The following GTF2F2 variants were observed in gnomAD, a reference collection of about 807,000 sequenced individuals.
GTF2F2 encodes the protein general transcription factor IIF subunit 2.
A neutral mutation model predicts 42.2 loss-of-function variants in GTF2F2; 23 were observed. That is an observed-to-expected ratio of 0.55 (90% CI 0.39 to 0.77). The LOEUF is 0.77. Ranked by LOEUF, GTF2F2 falls within the 30% of genes least tolerant of loss-of-function variation. The pLI, the probability that GTF2F2 is intolerant of heterozygous loss-of-function variation, is 0.00. For missense variants in GTF2F2, 261 were observed against 287.2 expected (o/e 0.91, Z 0.66); for synonymous variants, 105 against 100.8 (o/e 1.04, Z -0.25).
At chr13:45,195,491 T>C (rs944256592) in intron 4 of GTF2F2, among the ~76,000 whole-genome samples, 6 of 152,166 alleles carry the variant, frequency 3.9e-5, no homozygotes, top group Admixed American at 2.6e-4. Context: ...AGATTCAGAA[T>C]ACCTACTACA....
chr13:45,213,614 A>G lies in GTF2F2; in HGVS notation c.386+6109A>G, dbSNP rs146038960. ...TATAAACTTCATGAGAGCAGAGACT[A>G]TGAGTTTTATTTTTCTTTCTTCTTT... On this transcript the variant is annotated intron_variant, in intron 5 of 7. Transcript: ENST00000340473. 5.1e-4 allele frequency among the ~76,000 whole-genome samples: 77 copies of G among 152,182 alleles called. No individual in the cohort carries two copies. The East Asian group carries it at 0.012, about 24-fold the overall frequency.
In GTF2F2 at chr13:45,194,474, A is replaced by G. The variant is rs369513732; in HGVS notation, c.305-12950A>G. On this transcript the variant is annotated intron_variant, in intron 4 of 7. Transcript: ENST00000340473. ...CCAACGTTGAGGGTCATCAGTGTGG[A>G]TTTGCAGTTCTTTCCTTGATCAGTA... 6 of 1,613,930 alleles carry G rather than the reference A, an allele frequency of 3.7e-6. No individual in the cohort carries two copies. The Admixed American group carries it at 5.0e-5, about 13-fold the overall frequency.
Position 45,246,302 on chromosome 13 carries a change from C to T in GTF2F2, c.387-6569C>T, listed in dbSNP as rs888615548. Among the ~76,000 whole-genome samples, 7 of 151,956 alleles carry T rather than the reference C, an allele frequency of 4.6e-5. 1 individual carries two copies. Among genetic ancestry groups the T allele is most frequent in the Admixed American group, 1.3e-4 (2 of 15,252 alleles). On this transcript the variant is annotated intron_variant, in intron 5 of 7. Transcript: ENST00000340473. ...CTGGGATTACAGGCGTGAGCCACCG[C>T]GCCCGGCCTATTTTTTTATTTTTTA...
intron 5 of GTF2F2, among the ~76,000 whole-genome samples, chr13:45,246,070 CG>C (rs1378840973): frequency 2.0e-5 from 3 of 150,514 alleles, no homozygotes; most frequent in African/African-American, 7.3e-5. Context: ...ATGCAGTGGC[CG>C]GATCTCAGCT....
chr13:45,283,781 C>A lies in GTF2F2; in HGVS notation c.*220C>A. 7.8e-6 allele frequency: 2 copies of A among 254,778 alleles called. No homozygotes were observed. Among genetic ancestry groups the A allele is most frequent in the South Asian group, 1.1e-4 (1 of 9,170 alleles). 15.8% of individuals were successfully genotyped at this position (254,778 alleles called of 1,614,324 possible). A position where few individuals can be genotyped will look rare whatever the true frequency, so the allele number is the denominator to read the frequency against. On this transcript the variant is annotated 3_prime_UTR_variant, in exon 8 of 8. Transcript: ENST00000340473. ...ATTTATAGACTTAACTTGTATTAAA[C>A]CAGATTATTCACAGTAGGAATAGGG...
intron 5 of GTF2F2, among the ~76,000 whole-genome samples, chr13:45,207,771 A>G (rs1467797867): frequency 1.3e-5 from 2 of 152,210 alleles, no homozygotes; most frequent in Non-Finnish European, 2.9e-5. Flanking sequence ...AGTTGTCTTT[A>G]TAAATTTTGA....
At chr13:45,255,166 CAAAAAAAAAAAAAA>C (rs55795620) in intron 6 of GTF2F2, among the ~76,000 whole-genome samples, 7 of 76,094 alleles carry the variant, frequency 9.2e-5, no homozygotes, top group African/African-American at 2.6e-4. Context: ...GACTTTGTCT[CAAAAAAAAAAAAAA>C]AAAAAAAAAA....
intron 7 of GTF2F2, among the ~76,000 whole-genome samples, chr13:45,268,339 G>T (rs1876654527): frequency 6.6e-6 from 1 of 151,934 alleles, no homozygotes; most frequent in South Asian, 2.1e-4. Flanking sequence ...ATTTGTGAAA[G>T]GACTTGATTT....
chr13:45,190,158 A>G (rs988346662), intron 4 of GTF2F2, among the ~76,000 whole-genome samples: 4 of 152,212 alleles, frequency 2.6e-5, no homozygotes, highest in Non-Finnish European at 2.9e-5. Flanking sequence ...ATCTACAAGA[A>G]AAAAACAACC....
At position 45,276,871 on chromosome 13, in the gene GTF2F2, G is replaced by A. The variant is rs116797124; in HGVS notation, c.631-6571G>A. The stretch of plus-strand genomic sequence containing the variant: ...GCTGGATAGAGGAGATGTTACTAAA[G>A]TGAGATAATTTACCAGCACACAAAT... On this transcript the variant is annotated intron_variant, in intron 7 of 7. Coordinates refer to ENST00000340473, the MANE Select transcript of GTF2F2 (RefSeq NM_004128.3). Among the ~76,000 whole-genome samples the A allele has an allele frequency of 1.8e-3, 278 of 152,348 alleles. 1 individual carries two copies. The highest frequency in any genetic ancestry group is 6.4e-3 in the African/African-American group (265 of 41,574).
At chr13:45,194,373 T>C in intron 4 of GTF2F2, 1 of 1,614,162 alleles carries the variant, frequency 6.2e-7, no homozygotes, top group Non-Finnish European at 8.5e-7. Flanking sequence ...AGAGGATTTT[T>C]CCATTTACTA....
At chr13:45,169,891 C>T (rs946491539) in intron 4 of GTF2F2, among the ~76,000 whole-genome samples, 2 of 152,186 alleles carry the variant, frequency 1.3e-5, no homozygotes, top group Non-Finnish European at 2.9e-5. Flanking sequence ...TACATGGACA[C>T]AACCAGTATT....
At chr13:45,245,589 G>T (rs1875545709) in intron 5 of GTF2F2, among the ~76,000 whole-genome samples, 1 of 149,064 alleles carries the variant, frequency 6.7e-6, no homozygotes, top group Admixed American at 6.8e-5. Context: ...TAGAATAACG[G>T]TCTCCAACTC....
intron 7 of GTF2F2, among the ~76,000 whole-genome samples, chr13:45,281,321 T>C (rs1018602247): frequency 6.6e-6 from 1 of 152,170 alleles, no homozygotes; most frequent in Non-Finnish European, 1.5e-5. Context: ...CTCTGTATAC[T>C]TCCAGTACTA....
chr13:45,168,460 C>CA (rs1289997691), intron 4 of GTF2F2, among the ~76,000 whole-genome samples: 1 of 152,252 alleles, frequency 6.6e-6, no homozygotes, highest in African/African-American at 2.4e-5. Context: ...CTTTAATCCT[C>CA]AGGTAGGGTG....
At chr13:45,281,106 G>A (rs1877242101) in intron 7 of GTF2F2, among the ~76,000 whole-genome samples, 1 of 152,142 alleles carries the variant, frequency 6.6e-6, no homozygotes, top group South Asian at 2.1e-4. Flanking sequence ...TGGCAGACTT[G>A]CATTTTATAT....
chr13:45,159,958 G>T (rs1566118296), intron 4 of GTF2F2, among the ~76,000 whole-genome samples: 1 of 152,048 alleles, frequency 6.6e-6, no homozygotes, highest in Non-Finnish European at 1.5e-5. Flanking sequence ...TCTTGTCACT[G>T]GTTTAAAACA....
At chr13:45,153,452 G>A (rs866153572) in intron 4 of GTF2F2, among the ~76,000 whole-genome samples, 1 of 152,132 alleles carries the variant, frequency 6.6e-6, no homozygotes, top group Admixed American at 6.6e-5. Context: ...GAAGGTAGAA[G>A]GTTGGTTTCA....
At chr13:45,261,580 T>C (rs745548285) in intron 6 of GTF2F2, among the ~76,000 whole-genome samples, 8 of 152,172 alleles carry the variant, frequency 5.3e-5, no homozygotes, top group Non-Finnish European at 1.2e-4. Context: ...TCTGTGATCA[T>C]TGGATAGAAG....
Sources: allele counts gnomAD v4.1 joint callset (sites outside exome capture counted in the v4.1 genomes callset), GRCh38; gene constraint gnomAD v4.1.1; transcripts MANE v1.5; gene names NCBI Gene and HGNC (gene_info 2026-07-23, HGNC 2026-07-21).